NBAS: variants seen among roughly 807,000 people sequenced by gnomAD.
NBAS encodes NBAS subunit of NRZ tethering complex.
Under a neutral mutation model 302.5 loss-of-function variants are expected in NBAS, and 219 were observed. The ratio of observed to expected loss-of-function variants is 0.72; its 90% CI spans 0.65 to 0.81. The LOEUF is 0.81. Ranked by LOEUF, NBAS falls within the 30% of genes least tolerant of loss-of-function variation. The pLI, the probability that NBAS is intolerant of heterozygous loss-of-function variation, is 0.00. For missense variants in NBAS, 2,932 were observed against 2,841.6 expected, an observed-to-expected ratio of 1.03 and a Z score of -0.72; for synonymous variants, 1,118 against 1,021.6, an observed-to-expected ratio of 1.09 and a Z score of -1.80.
chr2:14,944,490 T>C, the NBAS span, among the ~76,000 whole-genome samples: 1 of 152,128 alleles, frequency 6.6e-6, no homozygotes, highest in Non-Finnish European at 1.5e-5. Context: ...ACACAGCCCA[T>C]CATTGATACA....
At chr2:15,423,374 TATGA>T (rs1360844020) in intron 23 of NBAS, among the ~76,000 whole-genome samples, 5 of 152,172 alleles carry the variant, frequency 3.3e-5, no homozygotes, top group African/African-American at 1.2e-4. Flanking sequence ...TCTTCAATGC[TATGA>T]ATATTATAAA....
At chr2:15,273,371 A>G (rs1278888926) in intron 44 of NBAS, among the ~76,000 whole-genome samples, 2 of 152,194 alleles carry the variant, frequency 1.3e-5, no homozygotes, top group Admixed American at 6.5e-5. Context: ...TGCTGCTCCT[A>G]CTGGGCTAAA....
At chr2:15,146,074 A>C in the NBAS span, among the ~76,000 whole-genome samples, 2 of 152,232 alleles carry the variant, frequency 1.3e-5, no homozygotes, top group South Asian at 4.1e-4. Flanking sequence ...ACCTTGGAAC[A>C]ACAGAAAGCA....
the NBAS span, among the ~76,000 whole-genome samples, chr2:15,098,304 T>TTGTATAC: frequency 5.5e-5 from 1 of 18,036 alleles, no homozygotes; most frequent in East Asian, 2.9e-3. Context: ...ATACAATATA[T>TTGTATAC]AATATATTGT....
the NBAS span, among the ~76,000 whole-genome samples, chr2:15,145,155 A>G: frequency 1.3e-5 from 2 of 152,124 alleles, no homozygotes; most frequent in Admixed American, 6.5e-5. Flanking sequence ...TAAGGTGGCA[A>G]AGAATAGACT....
At chr2:14,941,888 G>A in the NBAS span, among the ~76,000 whole-genome samples, 7 of 152,102 alleles carry the variant, frequency 4.6e-5, no homozygotes, top group Admixed American at 1.3e-4. Context: ...GAGAAAGAGG[G>A]GGAGGCTCTC....
chr2:15,329,138 T>C (rs912952669), intron 36 of NBAS, among the ~76,000 whole-genome samples: 2 of 152,240 alleles, frequency 1.3e-5, no homozygotes, highest in African/African-American at 2.4e-5. Context: ...AGCTCCTTAC[T>C]GGAAGAGCCA....
chr2:15,207,250 A>G (rs2147851500), intron 48 of NBAS, among the ~76,000 whole-genome samples: 1 of 152,282 alleles, frequency 6.6e-6, no homozygotes, highest in South Asian at 2.1e-4. Flanking sequence ...TGGGTTTCAA[A>G]CTTGCATGGG....
chr2:15,366,757 T>TGCATTAGGAAGG, intron 31 of NBAS, 64 bp from the exon 32 acceptor site: 2 of 1,449,920 alleles, frequency 1.4e-6, no homozygotes, highest in Non-Finnish European at 1.9e-6. Flanking sequence ...TTAATGGCCT[T>TGCATTAGGAAGG]CCTAATGCAA....
chr2:15,063,384 G>A, the NBAS span, among the ~76,000 whole-genome samples: 5 of 151,726 alleles, frequency 3.3e-5, no homozygotes, highest in Non-Finnish European at 1.5e-5. Context: ...CCTCCTCTGA[G>A]CTCCAAAATC....
chr2:15,226,464 TATG>T (rs1415261405), intron 47 of NBAS, among the ~76,000 whole-genome samples: 1 of 152,212 alleles, frequency 6.6e-6, no homozygotes, highest in African/African-American at 2.4e-5. Context: ...CTTCTTGAAA[TATG>T]ATGTTATAAA....
chr2:14,948,867 A>G, the NBAS span, among the ~76,000 whole-genome samples: 1 of 152,186 alleles, frequency 6.6e-6, no homozygotes, highest in African/African-American at 2.4e-5. Flanking sequence ...GCTAGTAACC[A>G]AATTACCATA....
chr2:14,962,226 T>C, the NBAS span, among the ~76,000 whole-genome samples: 2 of 152,286 alleles, frequency 1.3e-5, no homozygotes, highest in African/African-American at 4.8e-5. Flanking sequence ...GGAGCATATG[T>C]AGGCACATGT....
At chr2:15,475,993 C>T (rs979062743) in intron 13 of NBAS, 113 bp from the exon 14 acceptor site, 2 of 794,722 alleles carry the variant, frequency 2.5e-6, no homozygotes, top group East Asian at 2.7e-5. Flanking sequence ...TATTTGGGCC[C>T]TAATGGTATG....
chr2:15,202,823 C>G (rs957852727), intron 48 of NBAS, among the ~76,000 whole-genome samples: 1 of 152,170 alleles, frequency 6.6e-6, no homozygotes, highest in African/African-American at 2.4e-5. Flanking sequence ...CAGGCCTGAG[C>G]CACTGCACCC....
At chr2:14,809,384 C>A in the NBAS span, among the ~76,000 whole-genome samples, 1 of 152,142 alleles carries the variant, frequency 6.6e-6, no homozygotes, top group Non-Finnish European at 1.5e-5. Context: ...GACTTGGTGC[C>A]CTGTGTTCTA....
At chr2:15,090,696 T>C in the NBAS span, among the ~76,000 whole-genome samples, 3,960 of 152,228 alleles carry the variant, frequency 0.026, 193 homozygotes, top group African/African-American at 0.091. Flanking sequence ...TGGCCAACAC[T>C]CAGATGCATA....
At chr2:15,143,963 T>C in the NBAS span, among the ~76,000 whole-genome samples, 1 of 150,150 alleles carries the variant, frequency 6.7e-6, no homozygotes, top group Non-Finnish European at 1.5e-5. Flanking sequence ...GGGCTCTCCT[T>C]GCTCCTCAGA....
At chr2:15,362,619 T>C (rs543809616) in intron 32 of NBAS, among the ~76,000 whole-genome samples, 3 of 152,324 alleles carry the variant, frequency 2.0e-5, no homozygotes, top group African/African-American at 7.2e-5. Flanking sequence ...AAACGGAATA[T>C]GTAATGTTTC....
Sources: allele counts gnomAD v4.1 joint callset (sites outside exome capture counted in the v4.1 genomes callset), GRCh38; gene constraint gnomAD v4.1.1; transcripts MANE v1.5; gene names NCBI Gene and HGNC (gene_info 2026-07-23, HGNC 2026-07-21).